The following PRX variants were observed in gnomAD, a reference collection of about 807,000 sequenced individuals.
The protein encoded by PRX is periaxin.
PRX carries 24 observed loss-of-function variants against 29.6 expected under a neutral mutation model. That is an observed-to-expected ratio of 0.81 (90% CI 0.59 to 1.14). PRX has a LOEUF of 1.14. Ranked by LOEUF, PRX falls within the 50% of genes most tolerant of loss-of-function variation. The pLI is 0.00. For synonymous variants in PRX, 772 were observed against 831.7 expected (o/e 0.93, Z 1.24); for missense variants, 1,838 against 1,926.4 (o/e 0.95, Z 0.86).
At chr19:40,407,598 G>T (rs2079537980) in intron 4 of PRX, 1 of 532,054 alleles carries the variant, frequency 1.9e-6, no homozygotes, top group Non-Finnish European at 3.4e-6. Flanking sequence ...ACTGCACCTG[G>T]CATATGCTGC....
At chr19:40,404,734 C>T (rs1177272384) in intron 4 of PRX, among the ~76,000 whole-genome samples, 1 of 151,974 alleles carries the variant, frequency 6.6e-6, no homozygotes, top group African/African-American at 2.4e-5. Context: ...CCACGCCCAG[C>T]TAATTTTTAA....
upstream of PRX, among the ~76,000 whole-genome samples, chr19:40,414,065 C>G (rs769570041): frequency 6.6e-6 from 1 of 152,168 alleles, no homozygotes; most frequent in Non-Finnish European, 1.5e-5. Context: ...ATACTAAGTA[C>G]CATGCTCAGT....
Position 40,403,723 on chromosome 19 carries a change from C to G in PRX, c.167G>C (p.Ser56Thr), listed in dbSNP as rs769996704. 3.2e-6 allele frequency: 5 copies of G among 1,562,858 alleles called. No homozygotes were observed. Among genetic ancestry groups the G allele is most frequent in the Non-Finnish European group, 3.5e-6 (4 of 1,154,524 alleles). ...ELREDSPAAR[S>T]LSLQEGDQLL... is the part of the protein sequence containing the mutation. ...CCGCCCACCTTCCTGCAGGCTGAGG[C>G]TCCTGGCGGCGGGTGAGTCCTCGCG... Residue 56 changes from serine to threonine, a missense_variant, in exon 5 of 7, where the codon AGC becomes ACC. This residue lies in a region of PRX where 666 missense variants were observed against 665.0 expected (regional missense o/e 1.00). Transcript: ENST00000324001.
chr19:40,394,933 T>A lies in PRX; in HGVS notation c.3419A>T (p.Asp1140Val), dbSNP rs923473427. 1.9e-6 allele frequency: 3 copies of A among 1,609,140 alleles called. No homozygotes were observed. Among genetic ancestry groups the A allele is most frequent in the Admixed American group, 3.3e-5 (2 of 59,968 alleles). ...TAGQVVTEGHDAGLRMPPLGI... is the reference protein window; with the variant it reads ...TAGQVVTEGHVAGLRMPPLGI... Reference sequence around the variant, plus strand: ...CAGCGGAGGCATCCTCAGCCCCGCGTCATGGCCCTCAGTGACCACCTGCCC... The same window carrying A: ...CAGCGGAGGCATCCTCAGCCCCGCGACATGGCCCTCAGTGACCACCTGCCC... Residue 1140 changes from aspartate to valine, a missense_variant, in exon 7 of 7, where the codon GAC becomes GTC. This residue lies in a region of PRX where 1,143 missense variants were observed against 1,193.0 expected (regional missense o/e 0.96). Coordinates refer to ENST00000324001, the MANE Select transcript of PRX (RefSeq NM_181882.3). The surrounding 1 kb of genome is among the most constrained non-coding windows in gnomAD (Gnocchi z 5.8).
In PRX at chr19:40,397,393, G is replaced by A. The variant is rs760647416; in HGVS notation, c.959C>T (p.Ser320Leu). The change falls in exon 7 of 7, where the codon TCG becomes TTG. Residue 320 changes from serine (S) to leucine (L), a missense_variant. By Grantham distance (145) the Ser-to-Leu change is moderately radical. This residue lies in a region of PRX where 666 missense variants were observed against 665.0 expected (regional missense o/e 1.00). Transcript: ENST00000324001. ...PCLETREGAV[S>L]VVVPTLDVAA... is the part of the protein sequence containing the mutation. ...CACATCCAGGGTGGGCACCACTACC[G>A]ACACAGCCCCTTCCCGGGTCTCTAG... 1.8e-5 allele frequency: 29 copies of A among 1,612,144 alleles called. No individual in the cohort carries two copies. Among genetic ancestry groups the A allele is most frequent in the Middle Eastern group, 3.3e-4 (2 of 6,084 alleles).
intron 5 of PRX, among the ~76,000 whole-genome samples, chr19:40,401,450 A>G (rs552104671): frequency 1.3e-5 from 2 of 152,144 alleles, no homozygotes; most frequent in East Asian, 1.9e-4. Context: ...GAGCCACCCA[A>G]TGCTTGGCCA....
At chr19:40,408,660 C>G (rs1326528228) in intron 1 of PRX, among the ~76,000 whole-genome samples, 10 of 152,226 alleles carry the variant, frequency 6.6e-5, no homozygotes, top group Admixed American at 5.9e-4. Flanking sequence ...GAGACAGGGT[C>G]TAGCTCTATT....
chr19:40,399,063 C>T (rs976812129), intron 5 of PRX, among the ~76,000 whole-genome samples: 1 of 152,138 alleles, frequency 6.6e-6, no homozygotes, highest in African/African-American at 2.4e-5. Flanking sequence ...CCTACCCATC[C>T]TTACGTTTCA....
chr19:40,395,794 G>A lies in PRX; in HGVS notation c.2558C>T (p.Thr853Ile), dbSNP rs2079428604. The change falls in exon 7 of 7, where the codon ACT (threonine) becomes ATT (isoleucine). Residue 853 changes from threonine to isoleucine, a missense_variant. Thr to Ile is a moderately conservative substitution (Grantham distance 89, BLOSUM62 -1). This residue lies in a region of PRX where 1,143 missense variants were observed against 1,193.0 expected (regional missense o/e 0.96). Transcript: ENST00000324001. ...GEAHVGVPSL[T>I]LPSVELDLPG... The stretch of plus-strand genomic sequence containing the variant: ...CAGGTCTAGCTCCACTGAAGGCAGA[G>A]TGAGAGAGGGGACACCCACATGAGC... 1.2e-6 allele frequency: 2 copies of A among 1,614,080 alleles called. No homozygotes were observed. The highest frequency in any genetic ancestry group is 1.3e-5 in the African/African-American group (1 of 74,946).
chr19:40,395,834 C>G lies in PRX; in HGVS notation c.2518G>C (p.Glu840Gln). 1 of 1,614,240 alleles carries G rather than the reference C, an allele frequency of 6.2e-7. No individual in the cohort carries two copies. Among genetic ancestry groups the G allele is most frequent in the South Asian group, 1.1e-5 (1 of 91,086 alleles). ...KLVTLPCLQP[E>Q]VDGEAHVGVP... ...CCCACATGAGCCTCACCATCCACCT[C>G]TGGCTGCAGACAGGGAAGTGTTACC... Residue 840 changes from glutamate (E) to glutamine (Q), a missense_variant, in exon 7 of 7, where the codon GAG becomes CAG. Transcript: ENST00000324001.
intron 1 of PRX, among the ~76,000 whole-genome samples, chr19:40,410,313 C>T (rs897222157): frequency 1.3e-5 from 2 of 152,232 alleles, no homozygotes; most frequent in African/African-American, 4.8e-5. Flanking sequence ...GGCACATTCC[C>T]TCACACAATG....
chr19:40,399,895 C>CT (rs914940572), intron 5 of PRX, among the ~76,000 whole-genome samples: 3 of 71,026 alleles, frequency 4.2e-5, no homozygotes, highest in Admixed American at 1.5e-4. Context: ...TTCTTTCTTT[C>CT]TTTCTTTCTT....
chr19:40,399,687 T>C (rs1027972553), intron 5 of PRX, among the ~76,000 whole-genome samples: 2 of 152,140 alleles, frequency 1.3e-5, no homozygotes, highest in Non-Finnish European at 2.9e-5. Flanking sequence ...TCAGTCTCCA[T>C]AGATGTTTGC....
intron 5 of PRX, among the ~76,000 whole-genome samples, chr19:40,403,141 G>T (rs1287185221): frequency 6.6e-6 from 1 of 152,220 alleles, no homozygotes; most frequent in Non-Finnish European, 1.5e-5. Flanking sequence ...TTGCACTCCA[G>T]CCTGGGCAAC....
rs983961534 is a variant in PRX, at chr19:40,398,917, C to T, written c.185-101G>A. On this transcript the variant is annotated intron_variant, in intron 5 of 6. Transcript: ENST00000324001. This position sits in a 1 kb window ranked among gnomAD's most constrained non-coding sequence, Gnocchi z 6.3. ...GGAGCCCTCGCGGTGAGGACCCGCC[C>T]CAAATTTTAGTTTCTCCAATCCCCA... The T allele has an allele frequency of 6.4e-6, 10 of 1,571,596 alleles. No individual in the cohort carries two copies. The African/African-American group carries it at 1.4e-4, about 21-fold the overall frequency.
chr19:40,394,180 C>T lies in PRX; in HGVS notation c.4172G>A (p.Arg1391Gln), dbSNP rs917161355. The change falls in exon 7 of 7, where the codon CGG becomes CAG. Residue 1391 changes from arginine to glutamine, a missense_variant. By Grantham distance (43) the Arg-to-Gln change is conservative. Around this residue, in one of 3 missense-constraint regions of PRX, gnomAD observed 1,143 missense variants for 1,193.0 expected, o/e 0.96. Coordinates refer to ENST00000324001, the MANE Select transcript of PRX (RefSeq NM_181882.3). The surrounding 1 kb of genome is among the most constrained non-coding windows in gnomAD (Gnocchi z 5.8). Reference protein sequence around the residue: ...VGLAAPSKASRGQEGDAAPKS... With the variant: ...VGLAAPSKASQGQEGDAAPKS... The stretch of plus-strand genomic sequence containing the variant: ...GGGGGCTGCATCGCCCTCCTGCCCC[C>T]GAGAGGCTTTAGAAGGGGCCGCCAG... 1.4e-5 allele frequency: 23 copies of T among 1,587,436 alleles called. No individual in the cohort carries two copies. Among genetic ancestry groups the T allele is most frequent in the Admixed American group, 7.0e-5 (4 of 57,442 alleles).
rs199950689 is a variant in PRX at position 40,396,473 on chromosome 19, G to C, written c.1879C>G (p.Pro627Ala). 6.2e-7 allele frequency: 1 copy of C among 1,601,532 alleles called. No individual in the cohort carries two copies. Among genetic ancestry groups the C allele is most frequent in the African/African-American group, 1.4e-5 (1 of 70,716 alleles). Residue 627 changes from proline to alanine, a missense_variant, in exon 7 of 7, where the codon CCA (proline) becomes GCA (alanine). Around this residue, in one of 3 missense-constraint regions of PRX, gnomAD observed 1,143 missense variants for 1,193.0 expected, o/e 0.96. Coordinates refer to ENST00000324001, the MANE Select transcript of PRX (RefSeq NM_181882.3). ...TTCATCTCAGGGAGCTTCATCTCTG[G>C]GACTTTTGGAAGCTGCACTTCTGGG... ...HLPEVQLPKVPEMKLPEMKLP... is the reference protein window; with the variant it reads ...HLPEVQLPKVAEMKLPEMKLP...
chr19:40,397,408 C>T lies in PRX; in HGVS notation c.944G>A (p.Arg315Gln), dbSNP rs577197549. The T allele has an allele frequency of 1.6e-4, 257 of 1,610,048 alleles. 4 individuals are homozygous for T. The South Asian group carries it at 2.5e-3, about 16-fold the overall frequency. Residue 315 changes from arginine (R) to glutamine (Q), a missense_variant, in exon 7 of 7, where the codon CGG (arginine) becomes CAG (glutamine). By Grantham distance (43) the Arg-to-Gln change is conservative (BLOSUM62 1). Around this residue, in one of 3 missense-constraint regions of PRX, gnomAD observed 666 missense variants for 665.0 expected, o/e 1.00. Transcript: ENST00000324001. The part of the protein sequence containing the change: ...TLPTLPCLET[R>Q]EGAVSVVVPT... Reference sequence around the variant, plus strand: ...CACCACTACCGACACAGCCCCTTCCCGGGTCTCTAGGCAGGGAAGTGTGGG... The same window carrying T: ...CACCACTACCGACACAGCCCCTTCCTGGGTCTCTAGGCAGGGAAGTGTGGG...
intron 4 of PRX, chr19:40,407,689 C>T: frequency 1.5e-6 from 1 of 661,056 alleles, no homozygotes; most frequent in Admixed American, 2.4e-5. Context: ...GATTTCACTG[C>T]CTTGAGTCTT....
Sources: gnomAD v4.1 joint callset for allele counts (sites outside exome capture counted in the v4.1 genomes callset) on GRCh38, gnomAD v4.1.1 for gene constraint, gnomAD v4.1.1 regional missense constraint, Gnocchi (gnomAD v3.1) non-coding constraint, MANE v1.5 for transcripts, NCBI Gene and HGNC (gene_info 2026-07-23, HGNC 2026-07-21) for gene names.